Variants in ORM1 observed in about 807,000 individuals in gnomAD.
The protein encoded by ORM1 is orosomucoid 1.
ORM1 carries 13 observed loss-of-function variants against 26.9 expected under a neutral mutation model. That is an observed-to-expected ratio of 0.48 (90% confidence interval 0.31 to 0.77). ORM1 has a LOEUF of 0.77. ORM1 is among the 30% of genes least tolerant of loss of function. The pLI is 0.04. For synonymous variants in ORM1, 76 were observed against 102.2 expected, an observed-to-expected ratio of 0.74 and a Z score of 1.55; for missense variants, 189 against 246.8, an observed-to-expected ratio of 0.77 and a Z score of 1.57.
chr9:114,324,807 T>C lies in ORM1; in HGVS notation c.346T>C (p.Phe116Leu). 1.2e-6 allele frequency: 2 copies of C among 1,613,888 alleles called. No homozygotes were observed. Among genetic ancestry groups the C allele is most frequent in the Non-Finnish European group, 1.7e-6 (2 of 1,179,766 alleles). ...ISRYVGGQEH[F>L]AHLLILRDTK... Reference sequence around the variant, plus strand: ...TCTTCCAGTGGGAGGCCAAGAGCATTTCGCTCACTTGCTGATCCTCAGGGA... The same window carrying C: ...TCTTCCAGTGGGAGGCCAAGAGCATCTCGCTCACTTGCTGATCCTCAGGGA... Residue 116 changes from phenylalanine (F) to leucine (L), a missense_variant, in exon 4 of 6, where the codon TTC (phenylalanine) becomes CTC (leucine). Coordinates refer to ENST00000259396, the MANE Select transcript of ORM1 (RefSeq NM_000607.4).
intron 3 of ORM1, 25 bp from the exon 4 acceptor site, chr9:114,324,765 C>G (rs1433223653): frequency 3.8e-6 from 6 of 1,583,858 alleles, no homozygotes; most frequent in Non-Finnish European, 5.2e-6. Flanking sequence ...CATGTTCTCA[C>G]CCAGAGGCTC....
chr9:114,324,375 C>T (rs545412312), intron 3 of ORM1, among the ~76,000 whole-genome samples: 3 of 152,290 alleles, frequency 2.0e-5, no homozygotes, highest in Non-Finnish European at 2.9e-5. Context: ...CTCTCTCATG[C>T]CCTCTTTAAG....
rs148671843 is a variant in ORM1, at chr9:114,324,807, T to G, written c.346T>G (p.Phe116Val). 1.5e-5 allele frequency: 25 copies of G among 1,613,710 alleles called. No homozygotes were observed. The highest frequency in any genetic ancestry group is 2.0e-5 in the Non-Finnish European group (24 of 1,179,716). The change falls in exon 4 of 6, where the codon TTC becomes GTC. Residue 116 changes from phenylalanine (F) to valine (V), a missense_variant. By Grantham distance (50) the Phe-to-Val change is conservative. Around this residue, in one of 3 missense-constraint regions of ORM1, gnomAD observed 163 missense variants for 157.7 expected, o/e 1.03. Transcript: ENST00000259396. ...ISRYVGGQEHFAHLLILRDTK... is the reference protein window; with the variant it reads ...ISRYVGGQEHVAHLLILRDTK... ...TCTTCCAGTGGGAGGCCAAGAGCAT[T>G]TCGCTCACTTGCTGATCCTCAGGGA... is the stretch of plus-strand genomic sequence containing the variant.
At position 114,326,296 on chromosome 9, in the gene ORM1, A is replaced by G; in HGVS notation, c.545A>G (p.Lys182Arg). Residue 182 changes from lysine to arginine, a missense_variant, in exon 6 of 6, where the codon AAG becomes AGG. By Grantham distance (26) the Lys-to-Arg change is conservative (BLOSUM62 2). Coordinates refer to ENST00000259396, the MANE Select transcript of ORM1 (RefSeq NM_000607.4). ...CAATTCCCCGCTGCCTTCTAGGATAAGTGTGAGCCACTGGAGAAGCAGCAC... is the reference window on the plus strand; with the variant it reads ...CAATTCCCCGCTGCCTTCTAGGATAGGTGTGAGCCACTGGAGAAGCAGCAC... ...DVVYTDWKKD[K>R]CEPLEKQHEK... 6.4e-7 allele frequency: 1 copy of G among 1,566,220 alleles called. No homozygotes were observed. Among genetic ancestry groups the G allele is most frequent in the Non-Finnish European group, 8.6e-7 (1 of 1,156,738 alleles).
chr9:114,324,087 C>T lies in ORM1; in HGVS notation c.327C>T (p.Tyr109=), dbSNP rs149473009. Residue 109 remains tyrosine (Y), a splice_region_variant and synonymous_variant, in exon 3 of 6, where the codon TAC becomes TAT. Transcript: ENST00000259396. ...GGGAAAATGGGACCATCTCCAGATA[C>T]GGTGAGGGCCAGCCCTCAGGCAGGA... ...VQRENGTISR[Y]VGGQEHFAHL... The T allele has an allele frequency of 1.7e-4, 282 of 1,612,670 alleles. No individual in the cohort carries two copies. Among genetic ancestry groups the T allele is most frequent in the African/African-American group, 3.2e-4 (24 of 74,880 alleles).
In ORM1 at chr9:114,323,729, G is replaced by C; in HGVS notation, c.181G>C (p.Glu61Gln). 1 of 1,613,964 alleles carries C rather than the reference G, an allele frequency of 6.2e-7. No homozygotes were observed. The highest frequency in any genetic ancestry group is 8.5e-7 in the Non-Finnish European group (1 of 1,179,880). Residue 61 changes from glutamate to glutamine, a missense_variant, in exon 2 of 6, where the codon GAG becomes CAG. This residue lies in a region of ORM1 where 163 missense variants were observed against 157.7 expected (regional missense o/e 1.03). Coordinates refer to ENST00000259396, the MANE Select transcript of ORM1 (RefSeq NM_000607.4). Reference protein sequence around the residue: ...RNEEYNKSVQEIQATFFYFTP... With the variant: ...RNEEYNKSVQQIQATFFYFTP... ...CGAGGAGTACAATAAGTCGGTTCAG[G>C]AGATCCAAGCAACCTTCTTTTACTT...
At chr9:114,325,187 C>T (rs1397373140) in intron 5 of ORM1, 35 bp downstream of exon 5, 23 of 1,596,914 alleles carry the variant, frequency 1.4e-5, no homozygotes, top group Non-Finnish European at 1.7e-5. Context: ...CCCACCTTGT[C>T]CATGGCCCAA....
At chr9:114,323,996 T>C in intron 2 of ORM1, 22 bp from the exon 3 acceptor site, 1 of 1,613,450 alleles carries the variant, frequency 6.2e-7, no homozygotes, top group Non-Finnish European at 8.5e-7. Flanking sequence ...CTGTTTTCCT[T>C]CCGCCTTCTG....
chr9:114,325,891 G>A (rs557751065), intron 5 of ORM1, among the ~76,000 whole-genome samples: 4 of 152,132 alleles, frequency 2.6e-5, no homozygotes, highest in African/African-American at 7.2e-5. Flanking sequence ...ACTGTAGTCA[G>A]CTCACCTGAT....
intron 1 of ORM1, 50 bp downstream of exon 1, chr9:114,323,297 T>G: frequency 6.2e-7 from 1 of 1,613,354 alleles, no homozygotes; most frequent in Non-Finnish European, 8.5e-7. Context: ...GCTGCCTCCC[T>G]TCTCTGGGCT....
rs578044687 is a variant in ORM1 at position 114,324,113 on chromosome 9, G to C, written c.328+25G>C. 29 of 1,609,758 alleles carry C rather than the reference G, an allele frequency of 1.8e-5. No homozygotes were observed. In the East Asian group the frequency reaches 5.8e-4, roughly 32 times the overall value. On this transcript the variant is annotated intron_variant, in intron 3 of 5. Coordinates refer to ENST00000259396, the MANE Select transcript of ORM1 (RefSeq NM_000607.4). ...GGTGAGGGCCAGCCCTCAGGCAGGA[G>C]GGTTCACTGTGGGAACAGGGCAGGC...
chr9:114,324,184 A>T (rs1829732477), intron 3 of ORM1, 96 bp downstream of exon 3: 2 of 1,122,064 alleles, frequency 1.8e-6, no homozygotes, highest in Non-Finnish European at 2.7e-6. Flanking sequence ...GGCTTTGGGC[A>T]CAGAGAAATA....
In ORM1 at chr9:114,325,618, T is replaced by G. The variant is rs192805989; in HGVS notation, c.540+466T>G. On this transcript the variant is annotated intron_variant, in intron 5 of 5. Transcript: ENST00000259396. ...ATTTTTGCTACAAATGAAAATTACT[T>G]TATAATGAGCTCCTTAACACTTTTC... 2.4e-3 allele frequency among the ~76,000 whole-genome samples: 372 copies of G among 152,036 alleles called. 1 individual carries two copies. The East Asian group carries it at 0.025, about 10-fold the overall frequency.
At chr9:114,324,198 A>G (rs1829732633) in intron 3 of ORM1, 110 bp downstream of exon 3, 2 of 1,013,820 alleles carry the variant, frequency 2.0e-6, no homozygotes, top group South Asian at 1.3e-5. Context: ...AGAAATAACC[A>G]CTAACATTTT....
At position 114,324,766 on chromosome 9, in the gene ORM1, C is replaced by A. The variant is rs139597316; in HGVS notation, c.329-24C>A. The A allele has an allele frequency of 1.7e-4, 274 of 1,587,092 alleles. 3 individuals are homozygous for A. In the African/African-American group the frequency reaches 3.3e-3, roughly 19 times the overall value. ...CCATTGTGCCATCCCATGTTCTCAC[C>A]CAGAGGCTCCTTTTCTCTTCCAGTG... On this transcript the variant is annotated intron_variant, in intron 3 of 5. Coordinates refer to ENST00000259396, the MANE Select transcript of ORM1 (RefSeq NM_000607.4).
intron 1 of ORM1, 148 bp downstream of exon 1, chr9:114,323,395 C>T (rs1231041465): frequency 2.9e-5 from 40 of 1,377,856 alleles, no homozygotes; most frequent in Admixed American, 1.4e-4. Flanking sequence ...TCTCACCAGC[C>T]CAGGGGACTC....
intron 3 of ORM1, 133 bp from the exon 4 acceptor site, chr9:114,324,657 G>C (rs1409080094): frequency 2.6e-6 from 2 of 755,880 alleles, no homozygotes; most frequent in Non-Finnish European, 4.3e-6. Flanking sequence ...CTGGGCACAC[G>C]GTGGCCCAAA....
rs1445147023 is a variant in ORM1, at chr9:114,326,294, T to C, written c.543T>C (p.Asp181=). 7.7e-6 allele frequency: 12 copies of C among 1,566,228 alleles called. 1 individual carries two copies. The East Asian group carries it at 2.8e-4, about 37-fold the overall frequency. Residue 181 remains aspartate, a splice_region_variant and synonymous_variant, in exon 6 of 6, where the codon GAT becomes GAC. Coordinates refer to ENST00000259396, the MANE Select transcript of ORM1 (RefSeq NM_000607.4). ...SDVVYTDWKK[D]KCEPLEKQHE... ...CCCAATTCCCCGCTGCCTTCTAGGA[T>C]AAGTGTGAGCCACTGGAGAAGCAGC...
chr9:114,324,774 T>A lies in ORM1; in HGVS notation c.329-16T>A. On this transcript the variant is annotated splice_polypyrimidine_tract_variant and intron_variant, in intron 3 of 5. Transcript: ENST00000259396. ...CCATCCCATGTTCTCACCCAGAGGC[T>A]CCTTTTCTCTTCCAGTGGGAGGCCA... 6.2e-7 allele frequency: 1 copy of A among 1,601,878 alleles called. No individual in the cohort carries two copies. The highest frequency in any genetic ancestry group is 8.6e-7 in the Non-Finnish European group (1 of 1,169,154).
Sources: allele counts gnomAD v4.1 joint callset (sites outside exome capture counted in the v4.1 genomes callset), GRCh38; gene constraint gnomAD v4.1.1; regional missense constraint gnomAD v4.1.1; transcripts MANE v1.5; gene names NCBI Gene and HGNC (gene_info 2026-07-23, HGNC 2026-07-21).